B3GNT3: variants seen among roughly 807,000 people sequenced by gnomAD.
B3GNT3 encodes the protein UDP-GlcNAc:betaGal beta-1,3-N-acetylglucosaminyltransferase 3, also known as N-acetyllactosaminide beta-1,3-N-acetylglucosaminyltransferase 3.
A neutral mutation model predicts 11.6 loss-of-function variants in B3GNT3; 7 were observed. That is an observed-to-expected ratio of 0.60 (90% CI 0.34 to 1.13). The LOEUF (loss-of-function observed/expected upper bound fraction) is 1.13, where lower values mean the gene tolerates loss of function less well. Among genes scored for constraint, B3GNT3 ranks in the 50% most tolerant of loss-of-function variants. B3GNT3 has a pLI of 0.03. For synonymous variants in B3GNT3, 201 were observed against 222.1 expected (o/e 0.90, Z 0.85); for missense variants, 400 against 507.4 (o/e 0.79, Z 2.03).
intron 2 of B3GNT3, among the ~76,000 whole-genome samples, chr19:17,809,129 C>T (rs1053724580): frequency 6.6e-5 from 10 of 152,028 alleles, no homozygotes; most frequent in African/African-American, 1.9e-4. Context: ...CCACTGCGCC[C>T]GGCCAACATC....
intron 1 of B3GNT3, among the ~76,000 whole-genome samples, chr19:17,804,717 G>A (rs1382769557): frequency 2.0e-5 from 3 of 150,282 alleles, no homozygotes; most frequent in Admixed American, 6.6e-5. Context: ...GCTAATTTTT[G>A]TATCTAATAT....
intron 1 of B3GNT3, among the ~76,000 whole-genome samples, chr19:17,800,958 G>A (rs1029071233): frequency 3.3e-5 from 5 of 151,878 alleles, no homozygotes; most frequent in African/African-American, 7.3e-5. Context: ...CTGGGCGACA[G>A]AGGCTCTATC....
chr19:17,805,066 CCCT>C (rs1412596780), intron 1 of B3GNT3, among the ~76,000 whole-genome samples: 2 of 150,492 alleles, frequency 1.3e-5, no homozygotes, highest in Non-Finnish European at 1.5e-5. Flanking sequence ...AGTTGCCCTG[CCCT>C]GACTGAAATG....
chr19:17,795,127 G>A (rs1490344912), upstream of B3GNT3: 1 of 152,774 alleles, frequency 6.5e-6, no homozygotes, highest in Non-Finnish European at 1.5e-5. Flanking sequence ...CGGGAGCTCT[G>A]GCTCAGGTAA....
At chr19:17,809,757 A>AT (rs1289045675) in intron 2 of B3GNT3, among the ~76,000 whole-genome samples, 2 of 151,858 alleles carry the variant, frequency 1.3e-5, no homozygotes, top group Non-Finnish European at 2.9e-5. Flanking sequence ...CCTCGTCTCT[A>AT]TTTTTTTAAA....
intron 1 of B3GNT3, among the ~76,000 whole-genome samples, chr19:17,801,354 G>A (rs910963139): frequency 4.0e-5 from 6 of 150,760 alleles, no homozygotes; most frequent in Non-Finnish European, 8.9e-5. Context: ...CACCATGCCC[G>A]GCTAATTTTT....
chr19:17,804,953 TC>T (rs1326072629), intron 1 of B3GNT3, among the ~76,000 whole-genome samples: 1 of 151,220 alleles, frequency 6.6e-6, no homozygotes, highest in Admixed American at 6.6e-5. Context: ...TTACCCAATC[TC>T]CCCCCACCCA....
intron 2 of B3GNT3, among the ~76,000 whole-genome samples, chr19:17,809,185 C>T (rs1427289474): frequency 4.0e-5 from 6 of 151,884 alleles, no homozygotes; most frequent in Non-Finnish European, 4.4e-5. Flanking sequence ...AGGCTGGGGG[C>T]CTTGTCTGTT....
intron 1 of B3GNT3, among the ~76,000 whole-genome samples, chr19:17,805,506 C>T (rs1046935943): frequency 2.6e-5 from 4 of 152,122 alleles, no homozygotes; most frequent in African/African-American, 4.8e-5. Context: ...TTCTTTCTGG[C>T]GTGCCCATTC....
chr19:17,809,412 A>G (rs186910804), intron 2 of B3GNT3, among the ~76,000 whole-genome samples: 49 of 151,600 alleles, frequency 3.2e-4, no homozygotes, highest in African/African-American at 1.1e-3. Context: ...CATCTTTTTC[A>G]AAAAAAATTT....
chr19:17,801,948 C>T (rs557058489), intron 1 of B3GNT3, among the ~76,000 whole-genome samples: 3 of 152,178 alleles, frequency 2.0e-5, no homozygotes, highest in South Asian at 4.1e-4. Flanking sequence ...AGTAGCCAGG[C>T]GTGGTGGCAC....
At position 17,812,351 on chromosome 19, in the gene B3GNT3, C is replaced by G. The variant is rs265539; in HGVS notation, c.*229C>G. On this transcript the variant is annotated 3_prime_UTR_variant, in exon 3 of 3. Transcript: ENST00000318683. ...TGGCTGGAGGAACTCCAGAAAATATCCATCTTCTTTTTGTGGCTGCTAATG... is the reference window on the plus strand; with the variant it reads ...TGGCTGGAGGAACTCCAGAAAATATGCATCTTCTTTTTGTGGCTGCTAATG... 0.21 allele frequency: 107,714 copies of G among 521,816 alleles called. 11,953 individuals are homozygous for G. Among genetic ancestry groups the G allele is most frequent in the South Asian group, 0.26 (9,092 of 34,954 alleles). 32.3% of individuals were successfully genotyped at this position (521,816 alleles called of 1,614,324 possible). A position where few individuals can be genotyped will look rare whatever the true frequency, so the allele number is the denominator to read the frequency against.
Position 17,811,535 on chromosome 19 carries a change from C to T in B3GNT3, c.568-36C>T. ...GAGACCCAAGGCCAATTTCTCCAGC[C>T]CTCAAGCAAGCATGCCCTGTCCACC... is the stretch of plus-strand genomic sequence containing the variant. On this transcript the variant is annotated intron_variant, in intron 2 of 2. Transcript: ENST00000318683. The surrounding 1 kb of genome is among the most constrained non-coding windows in gnomAD (Gnocchi z 4.1). 1.3e-6 allele frequency: 2 copies of T among 1,571,326 alleles called. No individual in the cohort carries two copies. Among genetic ancestry groups the T allele is most frequent in the Non-Finnish European group, 1.7e-6 (2 of 1,158,004 alleles).
Position 17,807,748 on chromosome 19 carries a change from T to C in B3GNT3, c.-50-10T>C, listed in dbSNP as rs1443050930. ...CATGGCGAGTGTTCAGTGAGTTTTG[T>C]TTTCCACAGGAGCCGCCCAGGAGGC... On this transcript the variant is annotated splice_polypyrimidine_tract_variant and intron_variant, in intron 1 of 2. Transcript: ENST00000318683. The C allele has an allele frequency of 1.3e-6, 2 of 1,503,484 alleles. No individual in the cohort carries two copies. The highest frequency in any genetic ancestry group is 2.8e-5 in the African/African-American group (2 of 71,684). 93.1% of individuals were successfully genotyped at this position (1,503,484 alleles called of 1,614,324 possible).
rs869252561 is a variant in B3GNT3 at position 17,801,797 on chromosome 19, AT to A, written c.-50-5953del. Among the ~76,000 whole-genome samples, 4 of 151,916 alleles carry A rather than the reference AT, an allele frequency of 2.6e-5. No homozygotes were observed. In the East Asian group the frequency reaches 5.9e-4, roughly 22 times the overall value. On this transcript the variant is annotated intron_variant, in intron 1 of 2. Transcript: ENST00000318683. ...CCACCACACCAGGCTAATTAAAAAA[AT>A]TTTTTTTGGCTGGGCATGGTGGCTC...
In B3GNT3 at chr19:17,796,955, A is replaced by G. The variant is rs567965471; in HGVS notation, c.-51+1749A>G. On this transcript the variant is annotated intron_variant, in intron 1 of 2. Coordinates refer to ENST00000318683, the MANE Select transcript of B3GNT3 (RefSeq NM_014256.4). ...TATTGTGGACCCTCTTCCTGGTGGG[A>G]ATCTGGCTTGCCTTGATTGCTCCTC... Among the ~76,000 whole-genome samples, 4 of 152,236 alleles carry G rather than the reference A, an allele frequency of 2.6e-5. No individual in the cohort carries two copies. In the East Asian group the frequency reaches 7.7e-4, roughly 29 times the overall value.
chr19:17,802,315 C>T (rs917489126), intron 1 of B3GNT3, among the ~76,000 whole-genome samples: 1 of 152,118 alleles, frequency 6.6e-6, no homozygotes, highest in Non-Finnish European at 1.5e-5. Flanking sequence ...GCTGCTGCCT[C>T]GTGGAGTGGG....
chr19:17,803,341 G>A (rs1458107644), intron 1 of B3GNT3, among the ~76,000 whole-genome samples: 2 of 152,158 alleles, frequency 1.3e-5, no homozygotes, highest in Non-Finnish European at 2.9e-5. Flanking sequence ...GAGCAGATGA[G>A]TGAGGGCAGA....
intron 1 of B3GNT3, among the ~76,000 whole-genome samples, chr19:17,803,455 CATTT>C (rs895426070): frequency 6.6e-6 from 1 of 152,116 alleles, no homozygotes; most frequent in African/African-American, 2.4e-5. Context: ...CTTTTCTGTG[CATTT>C]GAGGAAGTGG....
Sources: gnomAD v4.1 joint callset for allele counts (sites outside exome capture counted in the v4.1 genomes callset) on GRCh38, gnomAD v4.1.1 for gene constraint, Gnocchi (gnomAD v3.1) non-coding constraint, MANE v1.5 for transcripts, NCBI Gene and HGNC (gene_info 2026-07-23, HGNC 2026-07-21) for gene names.